SDK1: variants seen among roughly 807,000 people sequenced by gnomAD.
SDK1 encodes sidekick cell adhesion molecule 1.
In SDK1, 157 loss-of-function variants were observed where a neutral mutation model predicts 245.5. That is an observed-to-expected ratio of 0.64 (90% CI 0.56 to 0.73). SDK1 has a LOEUF of 0.73. Ranked by LOEUF, SDK1 falls within the 30% of genes least tolerant of loss-of-function variation. The pLI, the probability that SDK1 is intolerant of heterozygous loss-of-function variation, is 0.00. For missense variants in SDK1, 3,583 were observed against 3,002.3 expected, an observed-to-expected ratio of 1.19 and a Z score of -4.52; for synonymous variants, 1,647 against 1,278.5, an observed-to-expected ratio of 1.29 and a Z score of -6.15.
At chr7:3,473,851 A>T (rs1781258488) in intron 1 of SDK1, among the ~76,000 whole-genome samples, 2 of 150,984 alleles carry the variant, frequency 1.3e-5, no homozygotes, top group Admixed American at 6.6e-5. Context: ...TATTTTTCTA[A>T]TTTTTTTTTC....
chr7:4,083,112 A>G (rs1344832391), intron 22 of SDK1, among the ~76,000 whole-genome samples: 1 of 152,224 alleles, frequency 6.6e-6, no homozygotes, highest in African/African-American at 2.4e-5. Context: ...ATTGACATAC[A>G]GGTTTAAACT....
At chr7:3,442,266 C>T (rs1254447975) in intron 1 of SDK1, among the ~76,000 whole-genome samples, 3 of 152,242 alleles carry the variant, frequency 2.0e-5, no homozygotes, top group African/African-American at 7.2e-5. Context: ...TGTTAAAGCT[C>T]CGCATTTTTC....
chr7:4,242,050 G>A (rs945268352), intron 43 of SDK1, 137 bp downstream of exon 43: 12 of 1,009,692 alleles, frequency 1.2e-5, no homozygotes, highest in Admixed American at 7.4e-5. Flanking sequence ...CGCCAAGTGC[G>A]CTCCCAAACC....
chr7:3,437,270 A>G (rs1048862290), intron 1 of SDK1, among the ~76,000 whole-genome samples: 1 of 152,134 alleles, frequency 6.6e-6, no homozygotes, highest in Non-Finnish European at 1.5e-5. Context: ...GTCTTATAAC[A>G]TTGTTATTTC....
chr7:3,827,758 A>T (rs963291118), intron 5 of SDK1, among the ~76,000 whole-genome samples: 4 of 152,094 alleles, frequency 2.6e-5, no homozygotes, highest in Non-Finnish European at 5.9e-5. Context: ...TGTTACCTTC[A>T]TGCTCTCCCT....
At chr7:3,597,291 AAG>A (rs1191607139) in intron 1 of SDK1, among the ~76,000 whole-genome samples, 2 of 148,902 alleles carry the variant, frequency 1.3e-5, no homozygotes, top group African/African-American at 5.0e-5. Flanking sequence ...AAAAAAAAAA[AAG>A]AGGATGTTAC....
chr7:3,896,166 C>T (rs138169000), intron 5 of SDK1, among the ~76,000 whole-genome samples: 63 of 152,240 alleles, frequency 4.1e-4, no homozygotes, highest in Middle Eastern at 3.4e-3. Context: ...AAATGAAAAA[C>T]GAAATGTTTA....
In SDK1 at chr7:3,465,085, G is replaced by A. The variant is rs150660741; in HGVS notation, c.299-153995G>A. On this transcript the variant is annotated intron_variant, in intron 1 of 44. Coordinates refer to ENST00000404826, the MANE Select transcript of SDK1 (RefSeq NM_152744.4). ...AAGAGTCAGAATTTACATGTGGTGG[G>A]GCTAATCCGTAAGTGAGATTACCGT... Among the ~76,000 whole-genome samples, 118 of 152,218 alleles carry A rather than the reference G, an allele frequency of 7.8e-4. 1 individual carries two copies. The highest frequency in any genetic ancestry group is 2.8e-3 in the African/African-American group (115 of 41,546).
intron 4 of SDK1, among the ~76,000 whole-genome samples, chr7:3,797,323 C>A (rs1778984566): frequency 6.6e-6 from 1 of 151,686 alleles, no homozygotes; most frequent in Admixed American, 6.6e-5. Flanking sequence ...TCCTGTTTTC[C>A]CTTTTCGCTT....
chr7:4,268,856 C>T lies in SDK1; in HGVS notation c.*3472C>T. The T allele has an allele frequency of 3.9e-6, 3 of 759,680 alleles. No homozygotes were observed. The highest frequency in any genetic ancestry group is 6.2e-6 in the Non-Finnish European group (3 of 485,144). 47.1% of individuals were successfully genotyped at this position (759,680 alleles called of 1,614,324 possible). Reference sequence around the variant, plus strand: ...GTCACCTTCTGGTTTAGGGAGCCGTCAGGTCCCTAAACGTTCCCTACAACT... The same window carrying T: ...GTCACCTTCTGGTTTAGGGAGCCGTTAGGTCCCTAAACGTTCCCTACAACT... On this transcript the variant is annotated 3_prime_UTR_variant, in exon 45 of 45. Transcript: ENST00000404826.
At chr7:4,227,589 G>T (rs938436920) in intron 40 of SDK1, among the ~76,000 whole-genome samples, 1 of 152,258 alleles carries the variant, frequency 6.6e-6, no homozygotes, top group Non-Finnish European at 1.5e-5. Context: ...CAGACTGACA[G>T]TCAAGCGGTT....
At chr7:3,337,250 G>A (rs1780225898) in intron 1 of SDK1, among the ~76,000 whole-genome samples, 1 of 152,016 alleles carries the variant, frequency 6.6e-6, no homozygotes, top group African/African-American at 2.4e-5. Flanking sequence ...TGATAGAACT[G>A]AAAAATAATG....
intron 4 of SDK1, among the ~76,000 whole-genome samples, chr7:3,786,084 G>A (rs1253791767): frequency 6.6e-6 from 1 of 152,184 alleles, no homozygotes; most frequent in Non-Finnish European, 1.5e-5. Flanking sequence ...GAAATAGAGA[G>A]AGCGAAAGTG....
chr7:3,872,844 A>T (rs1780990332), intron 5 of SDK1, among the ~76,000 whole-genome samples: 1 of 152,090 alleles, frequency 6.6e-6, no homozygotes, highest in Non-Finnish European at 1.5e-5. Flanking sequence ...CACGGAGTAT[A>T]AGGACCTTAT....
chr7:4,258,816 T>C (rs1300376520), intron 44 of SDK1, among the ~76,000 whole-genome samples: 3 of 152,188 alleles, frequency 2.0e-5, no homozygotes, highest in Non-Finnish European at 4.4e-5. Flanking sequence ...TTGAACCTCA[T>C]ATTTGACCTT....
At chr7:4,036,000 C>G (rs1562706076) in intron 17 of SDK1, among the ~76,000 whole-genome samples, 1 of 152,182 alleles carries the variant, frequency 6.6e-6, no homozygotes, top group Non-Finnish European at 1.5e-5. Flanking sequence ...TCAAAAATCT[C>G]TTTTAAGATT....
In SDK1 at chr7:3,705,628, C is replaced by T. The variant is rs10224481; in HGVS notation, c.713+63523C>T. ...TTGTGAACTGAAACTTTACTAAATT[C>T]ATTTATCGAATCAAGTAGTCCTTTA... On this transcript the variant is annotated intron_variant, in intron 4 of 44. Transcript: ENST00000404826. Among the ~76,000 whole-genome samples, 1,006 of 151,990 alleles carry T rather than the reference C, an allele frequency of 6.6e-3. 11 individuals carry two copies. The highest frequency in any genetic ancestry group is 0.023 in the African/African-American group (969 of 41,492).
rs376289933 is a variant in SDK1, at chr7:3,821,026, C to T, written c.714-424C>T. ...CACAAAGCCTCTGATGAGGCTCCCT[C>T]GAGGTGGAGAAAACCACAACTAATT... On this transcript the variant is annotated intron_variant, in intron 4 of 44. Coordinates refer to ENST00000404826, the MANE Select transcript of SDK1 (RefSeq NM_152744.4). 3.8e-4 allele frequency among the ~76,000 whole-genome samples: 58 copies of T among 152,318 alleles called. No individual in the cohort carries two copies. The East Asian group carries it at 7.7e-3, about 20-fold the overall frequency.
At chr7:4,069,825 A>T (rs933023201) in intron 20 of SDK1, among the ~76,000 whole-genome samples, 2 of 152,186 alleles carry the variant, frequency 1.3e-5, no homozygotes, top group African/African-American at 2.4e-5. Flanking sequence ...CAGCAACCAC[A>T]CAAGGGGTGT....
Sources: gnomAD v4.1 joint callset for allele counts (sites outside exome capture counted in the v4.1 genomes callset) on GRCh38, gnomAD v4.1.1 for gene constraint, MANE v1.5 for transcripts, NCBI Gene and HGNC (gene_info 2026-07-23, HGNC 2026-07-21) for gene names.